TAS2R1: variants seen among roughly 807,000 people sequenced by gnomAD.
TAS2R1 encodes the protein taste 2 receptor member 1, also known as taste receptor type 2 member 1.
For synonymous variants in TAS2R1, 141 were observed against 134.2 expected (o/e 1.05, Z -0.35); for missense variants, 370 against 353.4 (o/e 1.05, Z -0.38).
At chr5:9,738,682 A>C in the TAS2R1 span, among the ~76,000 whole-genome samples, 1 of 152,192 alleles carries the variant, frequency 6.6e-6, no homozygotes, top group Non-Finnish European at 1.5e-5. Flanking sequence ...AATAGCAGTT[A>C]CCACACTATC....
the TAS2R1 span, among the ~76,000 whole-genome samples, chr5:9,780,198 G>T: frequency 6.6e-6 from 1 of 152,026 alleles, no homozygotes; most frequent in African/African-American, 2.4e-5. Context: ...TACCTGACCT[G>T]CAGCTCTCTG....
At chr5:9,677,474 A>C (rs1267048909) in intron 1 of TAS2R1, among the ~76,000 whole-genome samples, 1 of 152,050 alleles carries the variant, frequency 6.6e-6, no homozygotes, top group Non-Finnish European at 1.5e-5. Flanking sequence ...TGCAGGCCTC[A>C]TATCTTAAAA....
the TAS2R1 span, among the ~76,000 whole-genome samples, chr5:9,750,943 C>T: frequency 6.6e-6 from 1 of 151,760 alleles, no homozygotes; most frequent in African/African-American, 2.4e-5. Context: ...GCAGAGATAC[C>T]ATGTTATACT....
the TAS2R1 span, among the ~76,000 whole-genome samples, chr5:9,893,553 T>C: frequency 1.3e-5 from 2 of 152,232 alleles, no homozygotes; most frequent in African/African-American, 4.8e-5. Flanking sequence ...CAAAATTTTT[T>C]TTAAGTTAGT....
At chr5:9,871,278 C>G in the TAS2R1 span, among the ~76,000 whole-genome samples, 1 of 152,206 alleles carries the variant, frequency 6.6e-6, no homozygotes, top group Non-Finnish European at 1.5e-5. Flanking sequence ...TAGATGATTA[C>G]AGGCAAGATA....
the TAS2R1 span, among the ~76,000 whole-genome samples, chr5:9,762,036 T>C: frequency 6.6e-6 from 1 of 152,148 alleles, no homozygotes; most frequent in Non-Finnish European, 1.5e-5. Context: ...TCCTTGTCAC[T>C]TCAGAGCCCT....
At chr5:9,634,868 G>A (rs1203999972), upstream of TAS2R1, among the ~76,000 whole-genome samples, 1 of 151,820 alleles carries the variant, frequency 6.6e-6, no homozygotes, top group East Asian at 1.9e-4. Flanking sequence ...GGTTTTCTAG[G>A]CATACAATCA....
At chr5:9,897,150 CAAAAT>C in the TAS2R1 span, among the ~76,000 whole-genome samples, 1 of 152,114 alleles carries the variant, frequency 6.6e-6, no homozygotes, top group African/African-American at 2.4e-5. Context: ...CAAAACAAAA[CAAAAT>C]AACAGCTAGA....
chr5:9,633,915 T>G (rs1739922686), upstream of TAS2R1, among the ~76,000 whole-genome samples: 2 of 152,138 alleles, frequency 1.3e-5, no homozygotes, highest in Non-Finnish European at 2.9e-5. Context: ...ACTCTGCTGA[T>G]TTATTTACTG....
chr5:9,756,241 G>A, the TAS2R1 span, among the ~76,000 whole-genome samples: 11 of 152,150 alleles, frequency 7.2e-5, no homozygotes, highest in African/African-American at 2.2e-4. Context: ...TACCTTACGC[G>A]AGAGCCTTCA....
At chr5:9,807,155 C>T in the TAS2R1 span, among the ~76,000 whole-genome samples, 10 of 151,856 alleles carry the variant, frequency 6.6e-5, no homozygotes, top group South Asian at 2.1e-4. Context: ...AAAAAAATAC[C>T]GAACGTCACT....
At chr5:9,758,674 A>G in the TAS2R1 span, among the ~76,000 whole-genome samples, 17 of 152,156 alleles carry the variant, frequency 1.1e-4, no homozygotes, top group Admixed American at 1.1e-3. Context: ...CAAAACACAA[A>G]ATCAGGGAAA....
At chr5:9,745,257 C>G in the TAS2R1 span, among the ~76,000 whole-genome samples, 44 of 152,188 alleles carry the variant, frequency 2.9e-4, no homozygotes, top group Non-Finnish European at 5.1e-4. Context: ...TCAATGGGAT[C>G]TGGACCACAT....
chr5:9,633,287 GTGTATAT>G (rs1561364867), upstream of TAS2R1, among the ~76,000 whole-genome samples: 2,545 of 67,646 alleles, frequency 0.038, 188 homozygotes, highest in African/African-American at 0.14. Context: ...GTGTGTGTGT[GTGTATAT>G]TATATATATA....
At chr5:9,678,676 C>T (rs1216088083) in intron 1 of TAS2R1, among the ~76,000 whole-genome samples, 2 of 152,052 alleles carry the variant, frequency 1.3e-5, no homozygotes, top group African/African-American at 4.8e-5. Flanking sequence ...CAAACTAACA[C>T]AGGAACAGAA....
At chr5:9,676,716 A>G (rs1271172764) in intron 1 of TAS2R1, among the ~76,000 whole-genome samples, 1 of 152,200 alleles carries the variant, frequency 6.6e-6, no homozygotes, top group Non-Finnish European at 1.5e-5. Flanking sequence ...TTTTAGATAC[A>G]ATACCAAAAT....
the TAS2R1 span, among the ~76,000 whole-genome samples, chr5:9,879,246 T>C: frequency 2.0e-5 from 3 of 152,384 alleles, no homozygotes; most frequent in Middle Eastern, 3.4e-3. Flanking sequence ...CAGTTACAGT[T>C]CTGGGATGAA....
chr5:9,812,490 G>T, the TAS2R1 span, among the ~76,000 whole-genome samples: 19 of 152,104 alleles, frequency 1.2e-4, no homozygotes, highest in East Asian at 2.5e-3. Flanking sequence ...AAAGATATAG[G>T]AGGAATTCAA....
the TAS2R1 span, among the ~76,000 whole-genome samples, chr5:9,851,008 T>C: frequency 6.6e-6 from 1 of 152,208 alleles, no homozygotes; most frequent in East Asian, 1.9e-4. Context: ...GAAATGAATG[T>C]TGTCTCTTTT....
Sources: gnomAD v4.1 joint callset for allele counts (sites outside exome capture counted in the v4.1 genomes callset) on GRCh38, gnomAD v4.1.1 for gene constraint, MANE v1.5 for transcripts, NCBI Gene and HGNC (gene_info 2026-07-23, HGNC 2026-07-21) for gene names.